Variants in UAP1 observed in about 807,000 individuals in gnomAD.
UAP1 encodes the protein UDP-N-acetylhexosamine pyrophosphorylase.
UAP1 carries 25 observed loss-of-function variants against 58.5 expected under a neutral mutation model. The observed-to-expected ratio is 0.43, with a 90% confidence interval of 0.31 to 0.60. The LOEUF is 0.60. Ranked by LOEUF, UAP1 falls within the 20% of genes least tolerant of loss-of-function variation. The pLI is 0.11. For missense variants in UAP1, 575 were observed against 630.0 expected, an observed-to-expected ratio of 0.91 and a Z score of 0.93; for synonymous variants, 208 against 213.0, an observed-to-expected ratio of 0.98 and a Z score of 0.21.
At chr1:162,579,487 A>G (rs1654449546) in exon 4 of UAP1, 10 of 1,611,396 alleles carry the variant, frequency 6.2e-6, no homozygotes, top group Non-Finnish European at 8.5e-6. Flanking sequence ...ACCAAGCACA[A>G]GTACTTTGGT....
At chr1:162,588,962 G>A (rs1423097411) in intron 7 of UAP1, 129 bp downstream of exon 7, 9 of 941,874 alleles carry the variant, frequency 9.6e-6, no homozygotes, top group Non-Finnish European at 1.2e-5. Context: ...TTGATTGTGA[G>A]TATGTAGTCT....
At chr1:162,576,403 C>T (rs1214199914) in intron 2 of UAP1, among the ~76,000 whole-genome samples, 1 of 152,040 alleles carries the variant, frequency 6.6e-6, no homozygotes, top group Non-Finnish European at 1.5e-5. Context: ...ATATTTAGTT[C>T]ACTAAAATGC....
intron 2 of UAP1, among the ~76,000 whole-genome samples, chr1:162,571,723 T>C (rs998338927): frequency 1.3e-5 from 2 of 152,226 alleles, no homozygotes; most frequent in Non-Finnish European, 2.9e-5. Context: ...TTGAATTTTA[T>C]TGGGCCACTT....
At chr1:162,575,470 C>G (rs1296893396) in intron 2 of UAP1, among the ~76,000 whole-genome samples, 1 of 151,980 alleles carries the variant, frequency 6.6e-6, no homozygotes, top group African/African-American at 2.4e-5. Context: ...GTTTTACTGT[C>G]ACCCAGGCTG....
At chr1:162,596,636 G>T (rs1429297526) in intron 9 of UAP1, among the ~76,000 whole-genome samples, 2 of 152,160 alleles carry the variant, frequency 1.3e-5, no homozygotes, top group Non-Finnish European at 2.9e-5. Context: ...TGACTGATCT[G>T]GTTTGAGTGG....
At position 162,581,475 on chromosome 1, in the gene UAP1, AC is replaced by A; in HGVS notation, c.834+17del. ...TGGAGCAAAGGTAATGCCTTTCTCA[AC>A]TATGGTGAGGCTTTTGATGGTCTTG... On this transcript the variant is annotated intron_variant, in intron 5 of 10. Coordinates refer to ENST00000271469, the Ensembl canonical transcript of UAP1. 1 of 1,608,730 alleles carries A rather than the reference AC, an allele frequency of 6.2e-7. No homozygotes were observed. The highest frequency in any genetic ancestry group is 8.5e-7 in the Non-Finnish European group (1 of 1,176,860).
intron 2 of UAP1, among the ~76,000 whole-genome samples, chr1:162,572,771 A>G (rs1386989794): frequency 6.6e-6 from 1 of 152,214 alleles, no homozygotes; most frequent in Non-Finnish European, 1.5e-5. Context: ...CCTGACCTGA[A>G]TAGACATGAC....
At chr1:162,590,922 C>A (rs1032193793) in intron 8 of UAP1, among the ~76,000 whole-genome samples, 1 of 147,952 alleles carries the variant, frequency 6.8e-6, no homozygotes, top group African/African-American at 2.5e-5. Context: ...GGCCTCACCA[C>A]TATTTTTTTT....
intron 2 of UAP1, among the ~76,000 whole-genome samples, chr1:162,575,754 G>T (rs890663693): frequency 2.0e-5 from 3 of 151,456 alleles, no homozygotes; most frequent in African/African-American, 4.9e-5. Context: ...AGGCTGGAGT[G>T]CAGTGGCGCG....
In UAP1 at chr1:162,592,591, T is replaced by TA. The variant is rs1417767974; in HGVS notation, c.1359-140dup. 14 of 643,252 alleles carry TA rather than the reference T, an allele frequency of 2.2e-5. No individual in the cohort carries two copies. In the Admixed American group the frequency reaches 3.5e-4, roughly 16 times the overall value. 39.8% of individuals were successfully genotyped at this position (643,252 alleles called of 1,614,324 possible). A position where few individuals can be genotyped will look rare whatever the true frequency, so the allele number is the denominator to read the frequency against. On this transcript the variant is annotated intron_variant, in intron 8 of 10. Coordinates refer to ENST00000271469, the Ensembl canonical transcript of UAP1. ...CCATTGAGTTTTATTTTTATTTTTTTACCCCCTTTTGGTCTCTTGGGACGA... is the reference window on the plus strand; with the variant it reads ...CCATTGAGTTTTATTTTTATTTTTTTAACCCCCTTTTGGTCTCTTGGGACGA...
At chr1:162,578,368 C>A (rs1341862562) in intron 3 of UAP1, among the ~76,000 whole-genome samples, 2 of 152,190 alleles carry the variant, frequency 1.3e-5, no homozygotes, top group African/African-American at 2.4e-5. Flanking sequence ...TCTGGACTTA[C>A]AATCTATTTT....
chr1:162,598,742 A>G (rs2101852885), intron 10 of UAP1, among the ~76,000 whole-genome samples: 1 of 152,316 alleles, frequency 6.6e-6, no homozygotes, highest in East Asian at 1.9e-4. Flanking sequence ...GGCCGCTTGC[A>G]GTGGCTCATG....
chr1:162,593,370 C>T (rs1223695887), intron 9 of UAP1: 1 of 152,270 alleles, frequency 6.6e-6, no homozygotes, highest in Non-Finnish European at 1.5e-5. Context: ...ATATCCTCTC[C>T]CATCTGGGTA....
intron 7 of UAP1, among the ~76,000 whole-genome samples, chr1:162,589,239 A>G (rs1351531350): frequency 1.6e-5 from 2 of 123,684 alleles, no homozygotes; most frequent in East Asian, 2.1e-4. Context: ...TTATATATAA[A>G]TTTATAGTTA....
At chr1:162,571,872 A>G (rs1216837248) in intron 2 of UAP1, among the ~76,000 whole-genome samples, 1 of 152,230 alleles carries the variant, frequency 6.6e-6, no homozygotes, top group Non-Finnish European at 1.5e-5. Context: ...TGTACACACA[A>G]TTTGATACTG....
chr1:162,577,634 AG>A (rs1654286835), intron 3 of UAP1, among the ~76,000 whole-genome samples: 1 of 149,584 alleles, frequency 6.7e-6, no homozygotes, highest in African/African-American at 2.5e-5. Context: ...TCTTTTTGAG[AG>A]GGAGTCTTAC....
chr1:162,581,262 A>G (rs372353130), intron 4 of UAP1, 25 bp from the exon 5 acceptor site: 1 of 1,599,030 alleles, frequency 6.3e-7, no homozygotes, highest in African/African-American at 1.3e-5. Flanking sequence ...TTGATATGCT[A>G]CTAATGGGCT....
intron 7 of UAP1, among the ~76,000 whole-genome samples, chr1:162,589,114 A>AT (rs1364081501): frequency 8.6e-6 from 1 of 116,442 alleles, no homozygotes; most frequent in Admixed American, 1.2e-4. Flanking sequence ...TATATTATAT[A>AT]TATATTTTAT....
rs141824358 is a variant in UAP1 at position 162,599,287 on chromosome 1, T to C, written c.1493T>C (p.Val498Ala). Reference sequence around the variant, plus strand: ...TCTTTTTAGGGATTAGAAAGTTATGTGGCAGATAAAGAATTCCATGCACCT... The same window carrying C: ...TCTTTTTAGGGATTAGAAAGTTATGCGGCAGATAAAGAATTCCATGCACCT... The change falls in exon 11 of 11, where the codon GTG becomes GCG. Residue 498 changes from valine (V) to alanine (A), a missense_variant. Physicochemically the swap from Val to Ala is moderately conservative, Grantham distance 64. Transcript: ENST00000271469. 316 of 1,611,696 alleles carry C rather than the reference T, an allele frequency of 2.0e-4. 1 individual carries two copies. The highest frequency in any genetic ancestry group is 2.6e-4 in the Non-Finnish European group (305 of 1,178,534).
Sources: allele counts gnomAD v4.1 joint callset (sites outside exome capture counted in the v4.1 genomes callset), GRCh38; gene constraint gnomAD v4.1.1; transcripts MANE v1.5; gene names NCBI Gene and HGNC (gene_info 2026-07-23, HGNC 2026-07-21).